Variants in RICTOR observed in about 807,000 individuals in gnomAD.
RICTOR encodes the protein RPTOR independent companion of MTOR complex 2, also known as rapamycin-insensitive companion of mTOR.
RICTOR carries 49 observed loss-of-function variants against 214.9 expected under a neutral mutation model. The observed-to-expected ratio is 0.23, with a 90% CI of 0.18 to 0.29. The LOEUF (loss-of-function observed/expected upper bound fraction) is 0.29. Ranked by LOEUF, RICTOR falls within the 10% of genes least tolerant of loss-of-function variation. The probability of loss-of-function intolerance (pLI) is 1.00; values close to 1 mark genes in which losing one functional copy is unlikely to be tolerated. For missense variants in RICTOR, 1,625 were observed against 2,047.0 expected, an observed-to-expected ratio of 0.79 and a Z score of 3.98; for synonymous variants, 717 against 711.3, an observed-to-expected ratio of 1.01 and a Z score of -0.13.
chr5:38,940,710 G>C lies in RICTOR; in HGVS notation c.*1594C>G, dbSNP rs979055506. Reference sequence around the variant, plus strand: ...TTCACTGAAGTGCAGTCAAAGAGGTGTTATGAAGTGAGATGAAATGCTTCA... The same window carrying C: ...TTCACTGAAGTGCAGTCAAAGAGGTCTTATGAAGTGAGATGAAATGCTTCA... On this transcript the variant is annotated 3_prime_UTR_variant, in exon 38 of 38. Transcript: ENST00000357387. The C allele has an allele frequency of 8.6e-6, 2 of 232,690 alleles. No individual in the cohort carries two copies. Among genetic ancestry groups the C allele is most frequent in the Non-Finnish European group, 1.7e-5 (2 of 117,550 alleles). 14.4% of individuals were successfully genotyped at this position (232,690 alleles called of 1,614,324 possible). A position where few individuals can be genotyped will look rare whatever the true frequency, so the allele number is the denominator to read the frequency against.
At chr5:38,960,096 T>C in intron 20 of RICTOR, 118 bp from the exon 21 acceptor site, 1 of 742,020 alleles carries the variant, frequency 1.3e-6, no homozygotes, top group South Asian at 1.6e-5. Context: ...ATAATAGCTA[T>C]CAATCAGTGA....
chr5:38,972,453 A>T (rs1750865052), intron 10 of RICTOR, among the ~76,000 whole-genome samples: 1 of 150,984 alleles, frequency 6.6e-6, no homozygotes, highest in Non-Finnish European at 1.5e-5. Flanking sequence ...AATTTTAAAC[A>T]TATTAAAATC....
At chr5:38,981,830 A>G (rs1318451116) in intron 8 of RICTOR, 37 bp downstream of exon 8, 22 of 1,391,824 alleles carry the variant, frequency 1.6e-5, no homozygotes, top group Admixed American at 7.1e-5. Context: ...ATTTATAATA[A>G]TATTTTAAAA....
chr5:38,999,381 A>G (rs1371259262), intron 5 of RICTOR, among the ~76,000 whole-genome samples: 1 of 152,082 alleles, frequency 6.6e-6, no homozygotes, highest in African/African-American at 2.4e-5. Flanking sequence ...CTGTTAAAAG[A>G]AAAAAGAAAA....
chr5:38,958,303 A>G, intron 24 of RICTOR, 140 bp downstream of exon 24: 1 of 632,186 alleles, frequency 1.6e-6, no homozygotes, highest in Non-Finnish European at 2.8e-6. Flanking sequence ...AGAAAAACCC[A>G]AAATAATGAA....
intron 5 of RICTOR, among the ~76,000 whole-genome samples, chr5:39,001,756 A>G (rs1753638699): frequency 1.3e-5 from 2 of 152,118 alleles, no homozygotes; most frequent in African/African-American, 2.4e-5. Flanking sequence ...CAGCAAATGA[A>G]AAGTGCCTAA....
intron 2 of RICTOR, among the ~76,000 whole-genome samples, chr5:39,059,184 A>G (rs1758381106): frequency 6.6e-6 from 1 of 152,104 alleles, no homozygotes; most frequent in Non-Finnish European, 1.5e-5. Flanking sequence ...AACATCAGGC[A>G]TAAGAAGGCA....
intron 3 of RICTOR, among the ~76,000 whole-genome samples, chr5:39,019,605 C>G (rs1755239503): frequency 6.6e-6 from 1 of 151,922 alleles, no homozygotes; most frequent in Non-Finnish European, 1.5e-5. Context: ...TGCTATTGCT[C>G]AGGAAAAAAA....
chr5:39,022,795 G>A (rs891189827), intron 2 of RICTOR, among the ~76,000 whole-genome samples: 1 of 152,116 alleles, frequency 6.6e-6, no homozygotes, highest in Admixed American at 6.5e-5. Flanking sequence ...ACCCACTGTG[G>A]GATAAACTTG....
intron 2 of RICTOR, among the ~76,000 whole-genome samples, chr5:39,055,966 G>A (rs1330500056): frequency 1.3e-5 from 2 of 152,180 alleles, no homozygotes; most frequent in East Asian, 3.8e-4. Flanking sequence ...ATAAGGACAA[G>A]GAACGAGGTT....
chr5:38,962,748 T>C, intron 17 of RICTOR, 128 bp downstream of exon 17: 1 of 876,492 alleles, frequency 1.1e-6, no homozygotes, highest in South Asian at 1.8e-5. Context: ...ATTATAAAAC[T>C]CAGAAGCCAT....
intron 2 of RICTOR, among the ~76,000 whole-genome samples, chr5:39,031,695 T>C (rs1227535209): frequency 3.3e-5 from 5 of 152,194 alleles, no homozygotes; most frequent in African/African-American, 1.2e-4. Context: ...TATTTGTGAA[T>C]ACACATAAAC....
At chr5:39,051,393 A>G (rs1445145306) in intron 2 of RICTOR, among the ~76,000 whole-genome samples, 1 of 152,208 alleles carries the variant, frequency 6.6e-6, no homozygotes, top group Admixed American at 6.5e-5. Flanking sequence ...CACAAATAAA[A>G]AAAGTTAGAC....
chr5:38,944,312 T>G, intron 36 of RICTOR, 134 bp downstream of exon 36: 1 of 875,492 alleles, frequency 1.1e-6, no homozygotes. Flanking sequence ...AAATCTAGCC[T>G]CACACAGGTA....
At chr5:38,999,141 G>A (rs1321715190) in intron 5 of RICTOR, among the ~76,000 whole-genome samples, 3 of 151,208 alleles carry the variant, frequency 2.0e-5, no homozygotes, top group Admixed American at 2.0e-4. Context: ...TAATAAACAG[G>A]TAAGTAGAAA....
intron 23 of RICTOR, 49 bp from the exon 24 acceptor site, chr5:38,958,568 A>G (rs1378311217): frequency 6.4e-7 from 1 of 1,551,682 alleles, no homozygotes; most frequent in Non-Finnish European, 8.8e-7. Context: ...AAATAGCAAA[A>G]TTTTTAGTTC....
At chr5:38,948,820 C>T (rs555917232) in intron 31 of RICTOR, among the ~76,000 whole-genome samples, 1 of 151,978 alleles carries the variant, frequency 6.6e-6, no homozygotes, top group East Asian at 1.9e-4. Context: ...ACCAAGAAAC[C>T]CTCTATTAAA....
Position 38,953,090 on chromosome 5 carries a change from C to T in RICTOR, c.2792G>A (p.Gly931Glu). The change falls in exon 29 of 38, where the codon GGA becomes GAA. Residue 931 changes from glycine (G) to glutamate (E), a missense_variant and splice_region_variant. By Grantham distance (98) the Gly-to-Glu change is moderately conservative (BLOSUM62 -2). Around this residue, in one of 5 missense-constraint regions of RICTOR, gnomAD observed 1,214 missense variants for 1,470.5 expected, o/e 0.83. Coordinates refer to ENST00000357387, the MANE Select transcript of RICTOR (RefSeq NM_152756.5). ...ACCCCAATTTGATGAGCCGATATTT[C>T]CCTGAAAGAAAAGAAATCACTTACA... is the stretch of plus-strand genomic sequence containing the variant. ...KKLKASLWAL[G>E]NIGSSNWGLN... The T allele has an allele frequency of 6.3e-7, 1 of 1,590,926 alleles. No individual in the cohort carries two copies. Among genetic ancestry groups the T allele is most frequent in the Admixed American group, 1.7e-5 (1 of 59,514 alleles).
At chr5:38,984,013 A>C (rs1751944833) in intron 7 of RICTOR, among the ~76,000 whole-genome samples, 1 of 151,752 alleles carries the variant, frequency 6.6e-6, no homozygotes, top group Admixed American at 6.6e-5. Context: ...TATCTTTTTA[A>C]TGCTCTAAAT....
Sources: allele counts gnomAD v4.1 joint callset (sites outside exome capture counted in the v4.1 genomes callset), GRCh38; gene constraint gnomAD v4.1.1; regional missense constraint gnomAD v4.1.1; transcripts MANE v1.5; gene names NCBI Gene and HGNC (gene_info 2026-07-23, HGNC 2026-07-21).